CFAP57: variants seen among roughly 807,000 people sequenced by gnomAD.
CFAP57 encodes the protein cilia and flagella associated protein 57.
Under a neutral mutation model 146.8 loss-of-function variants are expected in CFAP57, and 116 were observed. The observed-to-expected ratio is 0.79, with a 90% confidence interval of 0.68 to 0.92. CFAP57 has a LOEUF of 0.92. Among genes scored for constraint, CFAP57 ranks in the 40% least tolerant of loss-of-function variants. The pLI is 0.00. For synonymous variants in CFAP57, 518 were observed against 552.8 expected (o/e 0.94, Z 0.88); for missense variants, 1,377 against 1,527.2 (o/e 0.90, Z 1.64).
rs11210818 is a variant in CFAP57 at position 43,248,616 on chromosome 1, G to A, written c.3538+5257G>A. Among the ~76,000 whole-genome samples the A allele has an allele frequency of 1.1e-3, 159 of 151,406 alleles. 1 individual carries two copies. The highest frequency in any genetic ancestry group is 3.5e-3 in the African/African-American group (143 of 41,278). On this transcript the variant is annotated intron_variant, in intron 22 of 22. Transcript: ENST00000372492. Reference sequence around the variant, plus strand: ...ATTACAGACATGAGCCACAGTACCCGGCCATAAAAAAATTTTCATGTCCAT... The same window carrying A: ...ATTACAGACATGAGCCACAGTACCCAGCCATAAAAAAATTTTCATGTCCAT...
intron 5 of CFAP57, among the ~76,000 whole-genome samples, chr1:43,186,488 G>A (rs1298095567): frequency 1.3e-5 from 2 of 151,682 alleles, no homozygotes; most frequent in East Asian, 1.9e-4. Context: ...GTGGGCGGCT[G>A]TTGTCCCAGC....
intron 18 of CFAP57, among the ~76,000 whole-genome samples, chr1:43,227,331 G>T (rs527360863): frequency 1.3e-5 from 2 of 152,226 alleles, no homozygotes; most frequent in South Asian, 4.1e-4. Flanking sequence ...AAATCGCTTG[G>T]GAGTTAACTT....
At chr1:43,230,915 G>A (rs778821932) in intron 18 of CFAP57, among the ~76,000 whole-genome samples, 5 of 152,142 alleles carry the variant, frequency 3.3e-5, no homozygotes, top group South Asian at 2.1e-4. Context: ...CAAGCTGGGC[G>A]GCCCTTTCTA....
chr1:43,199,483 C>T lies in CFAP57; in HGVS notation c.1522C>T (p.Leu508=), dbSNP rs139680464. The T allele has an allele frequency of 9.9e-6, 16 of 1,614,022 alleles. No homozygotes were observed. In the African/African-American group the frequency reaches 1.3e-4, roughly 13 times the overall value. Residue 508 remains leucine (L), a synonymous_variant, in exon 9 of 23, where the codon CTG becomes TTG. Transcript: ENST00000372492. ...TTTSLENISS[L]KGHTGKIRSI... ...CACGAGCCTAGAGAACATCTCAAGC[C>T]TGAAAGGACACACAGGGAAGGTAAG...
At chr1:43,237,021 C>T (rs1420053311) in intron 21 of CFAP57, among the ~76,000 whole-genome samples, 2 of 152,044 alleles carry the variant, frequency 1.3e-5, no homozygotes, top group Non-Finnish European at 2.9e-5. Flanking sequence ...GGATGGGCCA[C>T]GGGTGCCTGT....
intron 7 of CFAP57, 30 bp downstream of exon 7, chr1:43,197,722 T>C: frequency 6.2e-7 from 1 of 1,613,362 alleles, no homozygotes; most frequent in Non-Finnish European, 8.5e-7. Context: ...CCTACTTTAT[T>C]ATGCAAGACC....
intron 2 of CFAP57, among the ~76,000 whole-genome samples, chr1:43,173,488 A>G (rs1042459060): frequency 2.0e-5 from 3 of 152,220 alleles, no homozygotes; most frequent in Admixed American, 2.0e-4. Flanking sequence ...TGTCATATTT[A>G]AAGAATTACA....
In CFAP57 at chr1:43,183,578, T is replaced by C; in HGVS notation, c.475-13T>C. 6.2e-7 allele frequency: 1 copy of C among 1,613,574 alleles called. No homozygotes were observed. The highest frequency in any genetic ancestry group is 1.1e-5 in the South Asian group (1 of 91,038). ...TCATAAATTTTTTTCTTCAATTCTC[T>C]CACATTTTACAGGTGAGCTTCAGTC... On this transcript the variant is annotated splice_polypyrimidine_tract_variant and intron_variant, in intron 3 of 22. Coordinates refer to ENST00000372492, the MANE Select transcript of CFAP57 (RefSeq NM_001378189.1).
chr1:43,223,157 G>A (rs977447166), intron 16 of CFAP57, among the ~76,000 whole-genome samples, 160 bp downstream of exon 16: 6 of 152,292 alleles, frequency 3.9e-5, no homozygotes, highest in Admixed American at 1.3e-4. Context: ...GCACCCTCAC[G>A]CAGATGGACC....
At chr1:43,176,044 A>G (rs1309357272) in intron 2 of CFAP57, among the ~76,000 whole-genome samples, 1 of 151,904 alleles carries the variant, frequency 6.6e-6, no homozygotes, top group African/African-American at 2.4e-5. Context: ...TCCATCTTAT[A>G]TCACCAGGGG....
chr1:43,234,436 C>T (rs768489701), intron 20 of CFAP57, 23 bp downstream of exon 20: 19 of 1,544,232 alleles, frequency 1.2e-5, no homozygotes, highest in Non-Finnish European at 1.6e-5. Context: ...TCCCCTCCTG[C>T]CATGCACTGA....
In CFAP57 at chr1:43,241,875, T is replaced by C. The variant is rs1219843901; in HGVS notation, c.3406-1352T>C. The stretch of plus-strand genomic sequence containing the variant: ...TGGGCTCTAAGAGCAAAGTGGCCAG[T>C]CTCTTTGGGCCCTTGGGGATGGGGC... On this transcript the variant is annotated intron_variant, in intron 21 of 22. Transcript: ENST00000372492. Among the ~76,000 whole-genome samples, 3 of 152,040 alleles carry C rather than the reference T, an allele frequency of 2.0e-5. No homozygotes were observed. In the East Asian group the frequency reaches 5.8e-4, roughly 29 times the overall value.
At chr1:43,203,348 A>G (rs1183555147) in intron 9 of CFAP57, among the ~76,000 whole-genome samples, 1 of 152,166 alleles carries the variant, frequency 6.6e-6, no homozygotes, top group African/African-American at 2.4e-5. Context: ...AAAAGAAGGA[A>G]TACTTTCCAG....
Position 43,199,419 on chromosome 1 carries a change from T to G in CFAP57, c.1458T>G (p.Phe486Leu), listed in dbSNP as rs747765337. ...ECSFSNGGHL[F>L]AAVNGNVIHV... ...CCTTTAGCAATGGAGGTCACCTGTT[T>G]GCTGCAGTCAATGGAAATGTGATTC... The change falls in exon 9 of 23, where the codon TTT (phenylalanine) becomes TTG (leucine). Residue 486 changes from phenylalanine to leucine, a missense_variant. Phe to Leu is a conservative substitution (Grantham distance 22). Transcript: ENST00000372492. The G allele has an allele frequency of 6.2e-7, 1 of 1,614,174 alleles. No homozygotes were observed. Among genetic ancestry groups the G allele is most frequent in the Non-Finnish European group, 8.5e-7 (1 of 1,180,040 alleles).
chr1:43,200,520 G>A (rs1328576909), intron 9 of CFAP57, among the ~76,000 whole-genome samples: 1 of 150,872 alleles, frequency 6.6e-6, no homozygotes, highest in Non-Finnish European at 1.5e-5. Flanking sequence ...AGAAAGAAAA[G>A]CAAAAGAAAA....
At chr1:43,188,672 T>C (rs759739260) in intron 6 of CFAP57, among the ~76,000 whole-genome samples, 3 of 152,248 alleles carry the variant, frequency 2.0e-5, no homozygotes, top group Non-Finnish European at 4.4e-5. Flanking sequence ...ATAAGTCCTT[T>C]ATCAGATATG....
chr1:43,251,877 C>T (rs1646333518), intron 22 of CFAP57, among the ~76,000 whole-genome samples: 1 of 151,900 alleles, frequency 6.6e-6, no homozygotes. Context: ...AAAGAGGCAA[C>T]GTAAGTACAT....
At chr1:43,218,354 C>T (rs895400242) in intron 12 of CFAP57, among the ~76,000 whole-genome samples, 8 of 152,154 alleles carry the variant, frequency 5.3e-5, no homozygotes, top group African/African-American at 1.9e-4. Context: ...AATCCCAGTA[C>T]TTTGGGAGGC....
chr1:43,225,615 C>T (rs57788257), intron 17 of CFAP57, among the ~76,000 whole-genome samples: 2,633 of 152,306 alleles, frequency 0.017, 68 homozygotes, highest in African/African-American at 0.06. Flanking sequence ...CATGAACCAC[C>T]GCTTGGCTCT....
Sources: allele counts gnomAD v4.1 joint callset (sites outside exome capture counted in the v4.1 genomes callset), GRCh38; gene constraint gnomAD v4.1.1; transcripts MANE v1.5; gene names NCBI Gene and HGNC (gene_info 2026-07-23, HGNC 2026-07-21).